PDIA6: variants seen among roughly 807,000 people sequenced by gnomAD.
PDIA6 encodes protein disulfide isomerase family A member 6.
PDIA6 carries 29 observed loss-of-function variants against 58.4 expected under a neutral mutation model. The ratio of observed to expected loss-of-function variants is 0.50; its 90% confidence interval spans 0.37 to 0.68. The LOEUF (loss-of-function observed/expected upper bound fraction) is 0.68, where lower values mean the gene tolerates loss of function less well. Ranked by LOEUF, PDIA6 falls within the 30% of genes least tolerant of loss-of-function variation. The pLI, the probability that PDIA6 is intolerant of heterozygous loss-of-function variation, is 0.00. For missense variants in PDIA6, 480 were observed against 551.0 expected (o/e 0.87, Z 1.29); for synonymous variants, 192 against 202.6 (o/e 0.95, Z 0.44).
rs188506850 is a variant in PDIA6 at position 10,837,640 on chromosome 2, G to T, written c.-35C>A. The T allele has an allele frequency of 5.2e-3, 7,021 of 1,360,022 alleles. 19 individuals are homozygous for T. Among genetic ancestry groups the T allele is most frequent in the Non-Finnish European group, 6.4e-3 (6,306 of 986,526 alleles). The allele number at this position is 1,360,022 out of a possible 1,614,324, so 84.2% of individuals were successfully genotyped here. A position where few individuals can be genotyped will look rare whatever the true frequency, so the allele number is the denominator to read the frequency against. ...AGAAAAGCCCAGGCACAGAATTGCA[G>T]CTTGTTCAGGGGCTCCAAGCTTCTA... On this transcript the variant is annotated 5_prime_UTR_variant, in exon 1 of 14. Coordinates refer to the PDIA6 transcript ENST00000404824.
At chr2:10,801,420 C>T (rs1006462305) in intron 2 of PDIA6, among the ~76,000 whole-genome samples, 1 of 152,130 alleles carries the variant, frequency 6.6e-6, no homozygotes, top group African/African-American at 2.4e-5. Context: ...CTTGTATGGT[C>T]GCTCTCAGAA....
At chr2:10,788,874 G>A (rs747490270) in intron 9 of PDIA6, 23 bp downstream of exon 9, 7 of 1,595,072 alleles carry the variant, frequency 4.4e-6, no homozygotes, top group East Asian at 4.5e-5. Flanking sequence ...ACAGCTAAGG[G>A]AAATCATTTC....
Position 10,790,860 on chromosome 2 carries a change from G to A in PDIA6, c.585-27C>T, listed in dbSNP as rs1290825182. 3 of 1,551,572 alleles carry A rather than the reference G, an allele frequency of 1.9e-6. No individual in the cohort carries two copies. In the South Asian group the frequency reaches 3.3e-5, roughly 17 times the overall value. On this transcript the variant is annotated intron_variant, in intron 6 of 12. Transcript: ENST00000272227. ...TATAGAAAAATATTCGTTTTGTTTT[G>A]TTTCTTTGAGACACAGTCTCTCTCT...
At chr2:10,810,112 C>T (rs1318272045) in intron 1 of PDIA6, 25 of 623,248 alleles carry the variant, frequency 4.0e-5, no homozygotes, top group East Asian at 8.4e-5. Flanking sequence ...GTAACACTTG[C>T]GTGACTCTGT....
chr2:10,800,592 A>T (rs1174603603), intron 2 of PDIA6, among the ~76,000 whole-genome samples: 3 of 149,318 alleles, frequency 2.0e-5, no homozygotes, highest in African/African-American at 5.0e-5. Flanking sequence ...TTTTTTTTTT[A>T]AAGGAGATCT....
intron 2 of PDIA6, among the ~76,000 whole-genome samples, chr2:10,818,292 A>T (rs1667263162): frequency 6.6e-6 from 1 of 150,870 alleles, no homozygotes; most frequent in Non-Finnish European, 1.5e-5. Flanking sequence ...CCTCCCAAAC[A>T]GCTGGACTAC....
chr2:10,831,542 C>T (rs1667710682), intron 1 of PDIA6, among the ~76,000 whole-genome samples: 1 of 152,162 alleles, frequency 6.6e-6, no homozygotes, highest in Non-Finnish European at 1.5e-5. Flanking sequence ...TCTGGGTAGC[C>T]TGAATGGGAG....
Position 10,787,443 on chromosome 2 carries a change from G to C in PDIA6, c.999-4C>G. 6.2e-7 allele frequency: 1 copy of C among 1,607,658 alleles called. No individual in the cohort carries two copies. ...TCCAGCTTCTGTCCACAGCCACCTA[G>C]AAAACCAGACTGGTTTTTAGGGCAA... On this transcript the variant is annotated splice_polypyrimidine_tract_variant and splice_region_variant and intron_variant, in intron 10 of 12. Coordinates refer to ENST00000272227, the MANE Select transcript of PDIA6 (RefSeq NM_005742.4).
In PDIA6 at chr2:10,823,695, C is replaced by T. The variant is rs2969885; in HGVS notation, c.-47-4341G>A. 2.6e-3 allele frequency among the ~76,000 whole-genome samples: 397 copies of T among 152,342 alleles called. 5 individuals are homozygous for T. The highest frequency in any genetic ancestry group is 9.4e-3 in the African/African-American group (390 of 41,576). On this transcript the variant is annotated intron_variant, in intron 1 of 13. Transcript: ENST00000381611. Reference sequence around the variant, plus strand: ...TTTTGCAGTAGCCCCTTAGAGTCAACAATGTTAGTGCTGTACTGTAGTGGA... The same window carrying T: ...TTTTGCAGTAGCCCCTTAGAGTCAATAATGTTAGTGCTGTACTGTAGTGGA...
chr2:10,790,868 G>A (rs370617777), intron 6 of PDIA6, 35 bp from the exon 7 acceptor site: 18 of 1,513,444 alleles, frequency 1.2e-5, no homozygotes, highest in Middle Eastern at 1.7e-4. Context: ...TTGTTTCTTT[G>A]AGACACAGTC....
intron 1 of PDIA6, among the ~76,000 whole-genome samples, chr2:10,828,316 G>GT (rs1234368542): frequency 6.6e-6 from 1 of 152,170 alleles, no homozygotes; most frequent in Non-Finnish European, 1.5e-5. Flanking sequence ...CAATTAAAAT[G>GT]TATCAGAAAT....
At chr2:10,829,548 G>T (rs957886358) in intron 1 of PDIA6, among the ~76,000 whole-genome samples, 1 of 152,176 alleles carries the variant, frequency 6.6e-6, no homozygotes, top group Non-Finnish European at 1.5e-5. Flanking sequence ...GTGTTGGGGG[G>T]TGGAGATTAG....
chr2:10,787,578 A>T, intron 10 of PDIA6, 139 bp from the exon 11 acceptor site: 1 of 854,058 alleles, frequency 1.2e-6, no homozygotes, highest in East Asian at 2.7e-5. Flanking sequence ...GAGTTTCTAT[A>T]TGGATTTTCC....
chr2:10,807,406 GT>G (rs1207261111), intron 1 of PDIA6, among the ~76,000 whole-genome samples: 1 of 152,134 alleles, frequency 6.6e-6, no homozygotes, highest in African/African-American at 2.4e-5. Context: ...GTCTCCCTGT[GT>G]TGCCCAGGCT....
At chr2:10,822,008 C>T (rs1442994947) in intron 1 of PDIA6, among the ~76,000 whole-genome samples, 1 of 150,474 alleles carries the variant, frequency 6.6e-6, no homozygotes, top group Non-Finnish European at 1.5e-5. Context: ...GGTATGATCA[C>T]GGCTTACTAC....
At chr2:10,827,777 T>G (rs1667589981) in intron 1 of PDIA6, among the ~76,000 whole-genome samples, 1 of 149,240 alleles carries the variant, frequency 6.7e-6, no homozygotes, top group South Asian at 2.1e-4. Flanking sequence ...TGAGCCGAGA[T>G]CACGCCACTG....
intron 9 of PDIA6, 59 bp downstream of exon 9, chr2:10,788,838 A>G: frequency 6.4e-7 from 1 of 1,552,288 alleles, no homozygotes; most frequent in Admixed American, 1.7e-5. Flanking sequence ...CCATTTAGAA[A>G]GTATTCTCAG....
intron 1 of PDIA6, chr2:10,823,401 T>C (rs1106184): frequency 0.71 from 108,556 of 152,196 alleles, 39,415 homozygotes; most frequent in African/African-American, 0.85. Flanking sequence ...TATGAACTTC[T>C]GAATAAAGTG....
chr2:10,832,905 A>T (rs12465136), upstream of PDIA6, among the ~76,000 whole-genome samples: 30,019 of 151,940 alleles, frequency 0.2, 3,507 homozygotes, highest in Non-Finnish European at 0.26. Context: ...GGTCGAGGCC[A>T]GCGCTGGTCC....
Sources: gnomAD v4.1 joint callset for allele counts (sites outside exome capture counted in the v4.1 genomes callset) on GRCh38, gnomAD v4.1.1 for gene constraint, MANE v1.5 for transcripts, NCBI Gene and HGNC (gene_info 2026-07-23, HGNC 2026-07-21) for gene names.